The following TSGA10 variants were observed in gnomAD, a reference collection of about 807,000 sequenced individuals.
TSGA10 encodes testis specific 10.
TSGA10 carries 43 observed loss-of-function variants against 96.6 expected under a neutral mutation model. The ratio of observed to expected loss-of-function variants is 0.44; its 90% CI spans 0.35 to 0.57. The LOEUF (loss-of-function observed/expected upper bound fraction) is 0.57. Among genes scored for constraint, TSGA10 ranks in the 20% least tolerant of loss-of-function variants. TSGA10 has a pLI of 0.01. For missense variants in TSGA10, 703 were observed against 834.4 expected (o/e 0.84, Z 1.94); for synonymous variants, 229 against 269.9 (o/e 0.85, Z 1.48).
chr2:99,114,082 C>G (rs2092041717), intron 4 of TSGA10, among the ~76,000 whole-genome samples: 1 of 152,154 alleles, frequency 6.6e-6, no homozygotes, highest in African/African-American at 2.4e-5. Flanking sequence ...GTAAATACTT[C>G]CCAGTGAATA....
At chr2:99,130,004 T>A (rs552934729) in intron 1 of TSGA10, among the ~76,000 whole-genome samples, 5 of 152,350 alleles carry the variant, frequency 3.3e-5, no homozygotes, top group Non-Finnish European at 2.9e-5. Context: ...CCATGGTGTA[T>A]ATGTGCCACA....
chr2:99,065,225 GTT>G, intron 15 of TSGA10, 101 bp from the exon 16 acceptor site: 1 of 1,274,624 alleles, frequency 7.8e-7, no homozygotes, highest in Non-Finnish European at 1.1e-6. Context: ...CATGAGAAGC[GTT>G]TATAATAGAA....
intron 16 of TSGA10, among the ~76,000 whole-genome samples, chr2:99,061,573 T>C (rs755696921): frequency 9.2e-5 from 14 of 152,228 alleles, no homozygotes; most frequent in South Asian, 4.1e-4. Context: ...ATATTATTTA[T>C]TCAATTTGTC....
chr2:99,134,123 G>A (rs1445763488), intron 1 of TSGA10, among the ~76,000 whole-genome samples: 1 of 152,174 alleles, frequency 6.6e-6, no homozygotes, highest in African/African-American at 2.4e-5. Context: ...GAATTGGAAT[G>A]TTGGCCTGCC....
rs1252853295 is a variant in TSGA10 at position 99,147,278 on chromosome 2, G to A, written c.-621+7415C>T. 4.2e-5 allele frequency: 22 copies of A among 521,102 alleles called. 1 individual carries two copies. In the East Asian group the frequency reaches 6.6e-4, roughly 16 times the overall value. 32.3% of individuals were successfully genotyped at this position (521,102 alleles called of 1,614,324 possible). A position where few individuals can be genotyped will look rare whatever the true frequency, so the allele number is the denominator to read the frequency against. ...GGCCTCCCAAAGTGCTGGAATTACA[G>A]GCGTGAGCCATTGTGCCCAGCCGCG... On this transcript the variant is annotated intron_variant, in intron 1 of 20. Transcript: ENST00000393483.
intron 2 of TSGA10, among the ~76,000 whole-genome samples, chr2:99,124,615 C>T (rs919348829): frequency 6.6e-6 from 1 of 151,940 alleles, no homozygotes; most frequent in Non-Finnish European, 1.5e-5. Flanking sequence ...GACAGAATCT[C>T]GGTCTGTCGC....
At chr2:99,112,566 C>T (rs2091904460) in intron 4 of TSGA10, among the ~76,000 whole-genome samples, 1 of 151,934 alleles carries the variant, frequency 6.6e-6, no homozygotes, top group East Asian at 2.0e-4. Context: ...TGACCTTTGA[C>T]CAAAAACTTC....
At chr2:99,039,440 C>T (rs371682706) in intron 16 of TSGA10, among the ~76,000 whole-genome samples, 5 of 151,620 alleles carry the variant, frequency 3.3e-5, no homozygotes, top group Non-Finnish European at 4.4e-5. Context: ...CAGTTAGAAA[C>T]GAAATGGGAG....
intron 10 of TSGA10, among the ~76,000 whole-genome samples, chr2:99,101,652 A>T (rs940568953): frequency 2.6e-5 from 4 of 152,230 alleles, no homozygotes; most frequent in Admixed American, 2.6e-4. Flanking sequence ...TTAACAAAGA[A>T]TTATAAAAAC....
chr2:99,051,071 T>C (rs1239008278), intron 16 of TSGA10, among the ~76,000 whole-genome samples: 1 of 152,166 alleles, frequency 6.6e-6, no homozygotes, highest in Non-Finnish European at 1.5e-5. Flanking sequence ...AAGTACACTC[T>C]ATGATGTTCA....
intron 1 of TSGA10, among the ~76,000 whole-genome samples, chr2:99,148,906 A>G (rs1488204791): frequency 6.6e-6 from 1 of 152,234 alleles, no homozygotes; most frequent in Non-Finnish European, 1.5e-5. Flanking sequence ...ACTCAATGTC[A>G]TTGAATTGTA....
intron 12 of TSGA10, among the ~76,000 whole-genome samples, chr2:99,077,115 C>T (rs72957179): frequency 0.15 from 20,149 of 135,272 alleles, 1,742 homozygotes; most frequent in Non-Finnish European, 0.2. Flanking sequence ...TTTGAGAAGG[C>T]GGACCATTCA....
chr2:99,013,351 T>C (rs2079169703), intron 20 of TSGA10, among the ~76,000 whole-genome samples: 1 of 152,116 alleles, frequency 6.6e-6, no homozygotes, highest in Admixed American at 6.5e-5. Flanking sequence ...TTAATTTTTT[T>C]GAGATGTAAT....
Position 99,154,871 on chromosome 2 carries a change from T to G in TSGA10, c.-799A>C. 5.6e-6 allele frequency: 2 copies of G among 356,590 alleles called. No homozygotes were observed. Among genetic ancestry groups the G allele is most frequent in the Middle Eastern group, 8.9e-4 (1 of 1,126 alleles). The allele number at this position is 356,590 out of a possible 1,614,324, so 22.1% of individuals were successfully genotyped here. On this transcript the variant is annotated 5_prime_UTR_variant, in exon 1 of 21. Coordinates refer to ENST00000393483, the MANE Select transcript of TSGA10 (RefSeq NM_025244.4). The stretch of plus-strand genomic sequence containing the variant: ...CTGCGGGCTGCCGGGACCCCACGGC[T>G]CCGCAGGCGGAGAGACTAGGCGCGA...
chr2:99,018,598 G>A lies in TSGA10; in HGVS notation c.1860C>T (p.Val620=), dbSNP rs758986253. ...TGTCTAAATCAGCTTCCAATTGTGT[G>A]ACAACATTTCTGAACTGGGCCACAT... ...SRDVAQFRNV[V]TQLEADLDIT... The change falls in exon 19 of 21, where the codon GTC becomes GTT. Residue 620 remains valine, a synonymous_variant. Transcript: ENST00000393483. 2 of 1,613,956 alleles carry A rather than the reference G, an allele frequency of 1.2e-6. No homozygotes were observed. The highest frequency in any genetic ancestry group is 1.7e-5 in the Admixed American group (1 of 59,992).
intron 4 of TSGA10, among the ~76,000 whole-genome samples, chr2:99,113,615 G>A (rs561893578): frequency 3.2e-4 from 49 of 152,200 alleles, no homozygotes; most frequent in Admixed American, 2.0e-3. Context: ...GCGTGATCTC[G>A]GCTCACTGCA....
chr2:99,063,185 C>T (rs1268439646), intron 16 of TSGA10, among the ~76,000 whole-genome samples: 5 of 152,108 alleles, frequency 3.3e-5, no homozygotes, highest in South Asian at 4.1e-4. Context: ...ATGTCTACTT[C>T]GAACTGCACA....
Position 99,071,686 on chromosome 2 carries a change from G to C in TSGA10, c.1107+20C>G. 1 of 1,584,146 alleles carries C rather than the reference G, an allele frequency of 6.3e-7. No homozygotes were observed. On this transcript the variant is annotated intron_variant, in intron 14 of 20. Transcript: ENST00000393483. ...CATATTTTTTTTTCTTGGAGAAAAT[G>C]ATTCTAGGAACAAGTGTACCTGGTT... is the stretch of plus-strand genomic sequence containing the variant.
At chr2:99,080,636 T>C (rs2087343317) in intron 11 of TSGA10, among the ~76,000 whole-genome samples, 1 of 152,308 alleles carries the variant, frequency 6.6e-6, no homozygotes, top group East Asian at 1.9e-4. Flanking sequence ...GTTTGATAAA[T>C]AGTATCTCCA....
Sources: gnomAD v4.1 joint callset for allele counts (sites outside exome capture counted in the v4.1 genomes callset) on GRCh38, gnomAD v4.1.1 for gene constraint, MANE v1.5 for transcripts, NCBI Gene and HGNC (gene_info 2026-07-23, HGNC 2026-07-21) for gene names.